The following SCAND3 variants were observed in gnomAD, a reference collection of about 807,000 sequenced individuals.
The protein encoded by SCAND3 is SCAN domain containing 3, also known as SCAN domain-containing protein 3.
chr6:28,575,225 G>A, the SCAND3 span: 1 of 1,613,916 alleles, frequency 6.2e-7, no homozygotes, highest in African/African-American at 1.3e-5. The surrounding 1 kb of genome is among the most constrained non-coding windows in gnomAD (Gnocchi z 4.2). Context: ...TCAGTCCAGT[G>A]TGATGAGTTG....
At chr6:28,584,570 T>A in the SCAND3 span, among the ~76,000 whole-genome samples, 1 of 152,192 alleles carries the variant, frequency 6.6e-6, no homozygotes, top group Non-Finnish European at 1.5e-5. Context: ...CATCAGTTGA[T>A]CCTTTGTAGC....
At chr6:28,615,420 C>T in the SCAND3 span, among the ~76,000 whole-genome samples, 1 of 152,002 alleles carries the variant, frequency 6.6e-6, no homozygotes, top group Non-Finnish European at 1.5e-5. Flanking sequence ...TCAAAACCAG[C>T]CTCGCCAACA....
the SCAND3 span, among the ~76,000 whole-genome samples, chr6:28,604,156 T>C: frequency 6.6e-6 from 1 of 152,196 alleles, no homozygotes; most frequent in African/African-American, 2.4e-5. Flanking sequence ...CCCCACCTTC[T>C]GATGGGAGGA....
chr6:28,574,425 C>T, the SCAND3 span, among the ~76,000 whole-genome samples: 1 of 152,116 alleles, frequency 6.6e-6, no homozygotes, highest in Admixed American at 6.6e-5. Flanking sequence ...CCAACACAAA[C>T]CCATATCTTC....
chr6:28,609,223 C>G, the SCAND3 span, among the ~76,000 whole-genome samples: 2 of 152,116 alleles, frequency 1.3e-5, no homozygotes, highest in African/African-American at 4.8e-5. Context: ...ATAAAGCTAT[C>G]TATGTATCTT....
At chr6:28,608,816 T>C in the SCAND3 span, among the ~76,000 whole-genome samples, 3 of 151,666 alleles carry the variant, frequency 2.0e-5, no homozygotes, top group African/African-American at 7.3e-5. Flanking sequence ...CTGGGCAACA[T>C]AGAGAGATGA....
chr6:28,595,585 G>C, the SCAND3 span, among the ~76,000 whole-genome samples: 1 of 151,956 alleles, frequency 6.6e-6, no homozygotes, highest in Non-Finnish European at 1.5e-5. Flanking sequence ...AGCTGGGCTT[G>C]GTGGCACGTG....
the SCAND3 span, chr6:28,597,634 TA>T: frequency 6.6e-6 from 1 of 152,136 alleles, no homozygotes; most frequent in Non-Finnish European, 1.5e-5. Flanking sequence ...AACGAACAGA[TA>T]AAAACAGTAC....
At chr6:28,572,916 C>T in the SCAND3 span, 12 of 1,613,732 alleles carry the variant, frequency 7.4e-6, no homozygotes, top group South Asian at 2.2e-5. The surrounding 1 kb of genome is among the most constrained non-coding windows in gnomAD (Gnocchi z 4.1). Context: ...TACATTCTGG[C>T]GCAAGTTCCT....
the SCAND3 span, among the ~76,000 whole-genome samples, chr6:28,608,178 A>G: frequency 6.6e-6 from 1 of 152,250 alleles, no homozygotes; most frequent in Non-Finnish European, 1.5e-5. Flanking sequence ...CTATTTGAGC[A>G]CAAAGGAGAT....
At chr6:28,612,774 C>T in the SCAND3 span, among the ~76,000 whole-genome samples, 1 of 152,174 alleles carries the variant, frequency 6.6e-6, no homozygotes, top group East Asian at 1.9e-4. Context: ...ACACATGTAA[C>T]AGTGGTTATA....
chr6:28,611,403 A>G, the SCAND3 span, among the ~76,000 whole-genome samples: 56 of 152,218 alleles, frequency 3.7e-4, no homozygotes, highest in Non-Finnish European at 6.2e-4. Context: ...GTCCAGCTCC[A>G]AGAGGTGGAT....
the SCAND3 span, among the ~76,000 whole-genome samples, chr6:28,577,701 T>C: frequency 6.6e-6 from 1 of 152,120 alleles, no homozygotes; most frequent in African/African-American, 2.4e-5. Flanking sequence ...AGGACTGAAC[T>C]CCAACCGCTG....
At chr6:28,609,893 T>A in the SCAND3 span, among the ~76,000 whole-genome samples, 2 of 152,164 alleles carry the variant, frequency 1.3e-5, no homozygotes, top group African/African-American at 4.8e-5. Flanking sequence ...AAATCCAGAA[T>A]GTGGAAAATT....
the SCAND3 span, among the ~76,000 whole-genome samples, chr6:28,609,996 G>C: frequency 2.0e-5 from 3 of 152,086 alleles, no homozygotes; most frequent in African/African-American, 7.2e-5. Context: ...GAGGTGAGGT[G>C]GGCTGATCAC....
At chr6:28,611,430 TG>T in the SCAND3 span, among the ~76,000 whole-genome samples, 2 of 152,244 alleles carry the variant, frequency 1.3e-5, no homozygotes, top group African/African-American at 4.8e-5. Flanking sequence ...AGGTCACTCC[TG>T]GAAGACAGGC....
chr6:28,572,789 A>G, the SCAND3 span: 1 of 1,613,030 alleles, frequency 6.2e-7, no homozygotes, highest in South Asian at 1.1e-5. The surrounding 1 kb of genome is among the most constrained non-coding windows in gnomAD (Gnocchi z 4.1). Context: ...CTTGAATTCA[A>G]TGAATTAGAT....
the SCAND3 span, among the ~76,000 whole-genome samples, chr6:28,593,208 T>C: frequency 6.6e-6 from 1 of 151,706 alleles, no homozygotes; most frequent in African/African-American, 2.4e-5. Context: ...AACAACTAAA[T>C]AGCAAGAAAA....
the SCAND3 span, among the ~76,000 whole-genome samples, chr6:28,594,916 T>C: frequency 3.3e-5 from 5 of 152,048 alleles, no homozygotes; most frequent in Non-Finnish European, 7.4e-5. Context: ...ATAGAGTTGT[T>C]AGTCAAAGTA....
Sources: allele counts gnomAD v4.1 joint callset (sites outside exome capture counted in the v4.1 genomes callset), GRCh38; gene constraint gnomAD v4.1.1; non-coding constraint Gnocchi (gnomAD v3.1); transcripts MANE v1.5; gene names NCBI Gene and HGNC (gene_info 2026-07-23, HGNC 2026-07-21).